Variants in UGT3A1 observed in about 807,000 individuals in gnomAD.
The protein encoded by UGT3A1 is UDP glycosyltransferase family 3 member A1.
Under a neutral mutation model 37.6 loss-of-function variants are expected in UGT3A1, and 40 were observed. That is an observed-to-expected ratio of 1.06 (90% CI 0.83 to 1.38). The LOEUF is 1.38. Ranked by LOEUF, UGT3A1 falls within the 40% of genes most tolerant of loss-of-function variation. UGT3A1 has a pLI of 0.00. For synonymous variants in UGT3A1, 256 were observed against 232.3 expected (o/e 1.10, Z -0.93); for missense variants, 642 against 634.2 (o/e 1.01, Z -0.13).
intron 5 of UGT3A1, 86 bp from the exon 6 acceptor site, chr5:35,955,950 C>T (rs970819547): frequency 1.1e-5 from 14 of 1,310,738 alleles, no homozygotes; most frequent in African/African-American, 4.4e-5. Flanking sequence ...GATGAAACAC[C>T]AATGAAATCA....
At chr5:35,966,746 C>T (rs564779329) in intron 3 of UGT3A1, among the ~76,000 whole-genome samples, 2 of 152,274 alleles carry the variant, frequency 1.3e-5, no homozygotes, top group African/African-American at 4.8e-5. Flanking sequence ...CCACAGACCT[C>T]CTAATCACAT....
chr5:35,957,434 CAAAA>C lies in UGT3A1; in HGVS notation c.844-19_844-16del. 3.7e-6 allele frequency: 6 copies of C among 1,609,394 alleles called. No individual in the cohort carries two copies. The highest frequency in any genetic ancestry group is 5.1e-6 in the Non-Finnish European group (6 of 1,177,412). On this transcript the variant is annotated splice_polypyrimidine_tract_variant and intron_variant, in intron 4 of 6. Transcript: ENST00000274278. Reference sequence around the variant, plus strand: ...TTGTCCAAGTCCTAGAGAGAGATGACAAAAGAAAGGAGGTGGCAAAATTGAGAAC... The same window carrying C: ...TTGTCCAAGTCCTAGAGAGAGATGACGAAAGGAGGTGGCAAAATTGAGAAC...
upstream of UGT3A1, among the ~76,000 whole-genome samples, chr5:35,992,224 T>C (rs1252137504): frequency 6.6e-6 from 1 of 152,226 alleles, no homozygotes; most frequent in African/African-American, 2.4e-5. Flanking sequence ...ACATTTTTAA[T>C]CTGAATTTAA....
chr5:35,960,776 T>C (rs1739550017), intron 4 of UGT3A1: 1 of 152,068 alleles, frequency 6.6e-6, no homozygotes, highest in African/African-American at 2.4e-5. Flanking sequence ...GTGGGGGTTT[T>C]ATTGAGTGGT....
upstream of UGT3A1, among the ~76,000 whole-genome samples, chr5:35,992,721 A>C (rs1418766953): frequency 1.3e-5 from 2 of 152,250 alleles, no homozygotes; most frequent in East Asian, 3.8e-4. Flanking sequence ...GTATGATTTA[A>C]ACCAATTCTA....
intron 2 of UGT3A1, among the ~76,000 whole-genome samples, chr5:35,977,927 C>G (rs1740359737): frequency 6.6e-6 from 1 of 152,094 alleles, no homozygotes; most frequent in Non-Finnish European, 1.5e-5. Context: ...TGCAAAGGGA[C>G]AAAAGAAATT....
chr5:35,954,688 C>T, intron 6 of UGT3A1: 1 of 588,046 alleles, frequency 1.7e-6, no homozygotes, highest in Non-Finnish European at 3.0e-6. Context: ...ATACAAAGAC[C>T]AATGATTAAT....
In UGT3A1 at chr5:35,991,226, C is replaced by A. The variant is rs367604987; in HGVS notation, c.15G>T (p.Arg5=). Residue 5 remains arginine (R), a synonymous_variant, in exon 1 of 7, where the codon CGG becomes CGT. Transcript: ENST00000274278. ...GAAGGAAGGCCACTAGAAGCAGCAC[C>A]CGCTGCCCAACCATGCTCACTTCCA... MVGQ[R]VLLLVAFLLS... is the part of the protein sequence containing the mutation. 1.9e-6 allele frequency: 3 copies of A among 1,614,246 alleles called. No individual in the cohort carries two copies. Among genetic ancestry groups the A allele is most frequent in the East Asian group, 2.2e-5 (1 of 44,876 alleles).
chr5:35,977,321 C>T (rs1185604885), intron 2 of UGT3A1, among the ~76,000 whole-genome samples: 1 of 152,116 alleles, frequency 6.6e-6, no homozygotes, highest in East Asian at 1.9e-4. Flanking sequence ...AAATAAATAA[C>T]TCATAAACAC....
At chr5:35,992,065 G>C (rs1740967523), upstream of UGT3A1, among the ~76,000 whole-genome samples, 1 of 152,168 alleles carries the variant, frequency 6.6e-6, no homozygotes, top group African/African-American at 2.4e-5. Context: ...GGTCACCTTT[G>C]TACTCTCTAT....
At chr5:35,962,395 G>C (rs2149956297) in intron 4 of UGT3A1, 1 of 154,612 alleles carries the variant, frequency 6.5e-6, no homozygotes, top group African/African-American at 2.4e-5. Flanking sequence ...ACTGGGGCTT[G>C]TCTAGGGTGA....
Position 35,957,220 on chromosome 5 carries a change from A to G in UGT3A1, c.1043T>C (p.Ile348Thr), listed in dbSNP as rs141884785. The stretch of plus-strand genomic sequence containing the variant: ...GTCACTCTGAGGAAGCCAGTCCACA[A>G]TTTTCACATTTGTGGCCAAATGAAC... ...RDVHLATNVK[I>T]VDWLPQSDLL... Residue 348 changes from isoleucine to threonine, a missense_variant, in exon 5 of 7, where the codon ATT (isoleucine) becomes ACT (threonine). By Grantham distance (89) the Ile-to-Thr change is moderately conservative. Transcript: ENST00000274278. The G allele has an allele frequency of 1.1e-3, 1,778 of 1,614,118 alleles. 15 individuals are homozygous for G. The highest frequency in any genetic ancestry group is 6.2e-4 in the Non-Finnish European group (737 of 1,180,020).
intron 4 of UGT3A1, among the ~76,000 whole-genome samples, chr5:35,963,673 G>A (rs972895206): frequency 1.3e-5 from 2 of 152,214 alleles, no homozygotes; most frequent in African/African-American, 4.8e-5. Context: ...TGAACTCCTT[G>A]GCCAGGGGAG....
At chr5:35,989,542 G>C (rs1740855493) in intron 1 of UGT3A1, among the ~76,000 whole-genome samples, 1 of 152,166 alleles carries the variant, frequency 6.6e-6, no homozygotes, top group African/African-American at 2.4e-5. Flanking sequence ...AGCAACAAGG[G>C]ATGTATAAAG....
In UGT3A1 at chr5:35,968,104, C is replaced by G. The variant is rs533473241; in HGVS notation, c.226G>C (p.Val76Leu). 2.4e-5 allele frequency: 38 copies of G among 1,612,788 alleles called. No homozygotes were observed. In the South Asian group the frequency reaches 3.6e-4, roughly 15 times the overall value. ...TCTTCAGGTGAAAACCACCTGATAA[C>G]TTGGTATGATTTTTCCTCCTCTTTA... Reference protein sequence around the residue: ...DIKEEEKSYQVIRWFSPEDHQ... With the variant: ...DIKEEEKSYQLIRWFSPEDHQ... The change falls in exon 3 of 7, where the codon GTT becomes CTT. Residue 76 changes from valine (V) to leucine (L), a missense_variant. By Grantham distance (32) the Val-to-Leu change is conservative. Coordinates refer to ENST00000274278, the MANE Select transcript of UGT3A1 (RefSeq NM_152404.4).
chr5:35,958,717 T>A (rs1739456299), intron 4 of UGT3A1, among the ~76,000 whole-genome samples: 1 of 152,196 alleles, frequency 6.6e-6, no homozygotes, highest in African/African-American at 2.4e-5. Context: ...AAATTTCTAA[T>A]CCATTTTATT....
chr5:35,981,591 G>A (rs1008852780), intron 2 of UGT3A1, among the ~76,000 whole-genome samples: 3 of 152,196 alleles, frequency 2.0e-5, no homozygotes, highest in Non-Finnish European at 4.4e-5. Flanking sequence ...TTCAAGACAT[G>A]GTCTGGCTGC....
At chr5:35,959,622 G>A (rs889378776) in intron 4 of UGT3A1, among the ~76,000 whole-genome samples, 4 of 151,878 alleles carry the variant, frequency 2.6e-5, no homozygotes, top group Non-Finnish European at 5.9e-5. Context: ...ATTTGAAATT[G>A]TCAAGTCTGA....
rs1436828213 is a variant in UGT3A1, at chr5:35,954,220, C to T, written c.1554G>A (p.Arg518=). The T allele has an allele frequency of 1.2e-6, 2 of 1,614,084 alleles. No individual in the cohort carries two copies. The highest frequency in any genetic ancestry group is 3.3e-5 in the Admixed American group (2 of 60,024). ...GVVARWLRGA[R]KVKKT ...CCTAGCCTCATGTCTTCTTCACCTT[C>T]CTGGCCCCACGCAGCCACCTGGCCA... The change falls in exon 7 of 7, where the codon AGG becomes AGA. Residue 518 remains arginine, a synonymous_variant. Coordinates refer to ENST00000274278, the MANE Select transcript of UGT3A1 (RefSeq NM_152404.4).
Sources: allele counts gnomAD v4.1 joint callset (sites outside exome capture counted in the v4.1 genomes callset), GRCh38; gene constraint gnomAD v4.1.1; transcripts MANE v1.5; gene names NCBI Gene and HGNC (gene_info 2026-07-23, HGNC 2026-07-21).